ANK1: variants seen among roughly 807,000 people sequenced by gnomAD.
ANK1 encodes the protein ankyrin 1.
In ANK1, 51 loss-of-function variants were observed where a neutral mutation model predicts 210.4. The observed-to-expected ratio is 0.24, with a 90% CI of 0.19 to 0.31. ANK1 has a LOEUF of 0.31. Among genes scored for constraint, ANK1 ranks in the 10% least tolerant of loss-of-function variants. ANK1 has a pLI of 1.00. For missense variants in ANK1, 2,051 were observed against 2,504.4 expected, an observed-to-expected ratio of 0.82 and a Z score of 3.86; for synonymous variants, 967 against 1,025.9, an observed-to-expected ratio of 0.94 and a Z score of 1.10.
At chr8:41,697,987 G>T in intron 24 of ANK1, 56 bp downstream of exon 24, 1 of 1,556,786 alleles carries the variant, frequency 6.4e-7, no homozygotes, top group East Asian at 2.2e-5. Context: ...AACAATCACT[G>T]TCCCAGGGTT....
chr8:41,788,298 A>G (rs1846852266), intron 1 of ANK1, among the ~76,000 whole-genome samples: 3 of 152,218 alleles, frequency 2.0e-5, no homozygotes, highest in Admixed American at 2.0e-4. Context: ...ACCGGAGAAC[A>G]CAAGTGAACA....
chr8:41,847,081 C>T (rs994075895), intron 1 of ANK1, among the ~76,000 whole-genome samples: 2 of 152,146 alleles, frequency 1.3e-5, no homozygotes, highest in African/African-American at 2.4e-5. Flanking sequence ...AGATTTAGGC[C>T]GCAGAACAGA....
intron 29 of ANK1, 77 bp from the exon 30 acceptor site, chr8:41,693,278 T>C: frequency 7.5e-7 from 1 of 1,335,454 alleles, no homozygotes; most frequent in Non-Finnish European, 1.1e-6. Flanking sequence ...GCTAAGGCCG[T>C]GGTGTGCAAG....
In ANK1 at chr8:41,698,036, T is replaced by C. The variant is rs1028920052; in HGVS notation, c.2637+7A>G. 7.4e-6 allele frequency: 12 copies of C among 1,613,432 alleles called. No homozygotes were observed. Among genetic ancestry groups the C allele is most frequent in the Middle Eastern group, 3.3e-4 (2 of 6,082 alleles). ...TGTGGGGAAACCACAGAGAAGGAGC[T>C]TCTCACCTGCTCCTGCTCTTCTGAC... On this transcript the variant is annotated splice_region_variant and intron_variant, in intron 24 of 42. Transcript: ENST00000289734.
intron 42 of ANK1, among the ~76,000 whole-genome samples, chr8:41,659,666 C>T (rs982125247): frequency 3.3e-5 from 5 of 152,028 alleles, no homozygotes; most frequent in African/African-American, 7.2e-5. Flanking sequence ...AGCTTTTCTC[C>T]GCCTCTCCCT....
chr8:41,750,222 A>T (rs547220624), intron 2 of ANK1, among the ~76,000 whole-genome samples: 3 of 152,348 alleles, frequency 2.0e-5, no homozygotes, highest in Admixed American at 6.5e-5. Context: ...CAAGATAAAC[A>T]TTAGGGCTTC....
chr8:41,882,977 C>T (rs933292549), intron 1 of ANK1, among the ~76,000 whole-genome samples: 2 of 152,226 alleles, frequency 1.3e-5, no homozygotes, highest in African/African-American at 4.8e-5. Flanking sequence ...CCGCCCTCCC[C>T]AAAGTCACTC....
At chr8:41,713,803 G>A (rs758967194) in intron 16 of ANK1, among the ~76,000 whole-genome samples, 2 of 152,114 alleles carry the variant, frequency 1.3e-5, no homozygotes. Flanking sequence ...TGCTAGAAAC[G>A]GGCTCACCAC....
At chr8:41,810,990 T>C (rs1005083034) in intron 1 of ANK1, among the ~76,000 whole-genome samples, 2 of 152,234 alleles carry the variant, frequency 1.3e-5, no homozygotes, top group Non-Finnish European at 2.9e-5. Context: ...GCAGAAATGC[T>C]AAATCTGAAA....
At chr8:41,829,494 C>T (rs1806171102) in intron 1 of ANK1, 1 of 152,262 alleles carries the variant, frequency 6.6e-6, no homozygotes, top group Non-Finnish European at 1.5e-5. Context: ...TCCCAGGCAA[C>T]TGACCCCAGC....
intron 1 of ANK1, among the ~76,000 whole-genome samples, chr8:41,804,421 A>G (rs1276598747): frequency 6.6e-6 from 1 of 152,196 alleles, no homozygotes; most frequent in Non-Finnish European, 1.5e-5. Context: ...CAGCAGGGAA[A>G]TTGTCAAAGG....
chr8:41,850,847 C>T (rs1035564769), intron 1 of ANK1, among the ~76,000 whole-genome samples: 11 of 152,210 alleles, frequency 7.2e-5, no homozygotes, highest in Middle Eastern at 3.4e-3. Flanking sequence ...CCTGAAGCCT[C>T]GGCTAGTAAG....
intron 23 of ANK1, among the ~76,000 whole-genome samples, chr8:41,698,669 G>A (rs988933763): frequency 9.9e-5 from 15 of 152,214 alleles, no homozygotes; most frequent in African/African-American, 3.6e-4. Flanking sequence ...AGGGGGAAAT[G>A]AGAAATGTGG....
chr8:41,693,866 G>C, intron 29 of ANK1, 32 bp downstream of exon 29: 1 of 1,578,956 alleles, frequency 6.3e-7, no homozygotes, highest in Non-Finnish European at 8.6e-7. Flanking sequence ...TGCAGCAGCC[G>C]AGAACAGAAG....
chr8:41,805,091 G>T (rs1850730917), intron 1 of ANK1, among the ~76,000 whole-genome samples: 1 of 151,826 alleles, frequency 6.6e-6, no homozygotes. Flanking sequence ...TGTCGTGTGT[G>T]TGTGTGTGTT....
chr8:41,809,611 T>G (rs147546098), intron 1 of ANK1, among the ~76,000 whole-genome samples: 1 of 152,006 alleles, frequency 6.6e-6, no homozygotes, highest in East Asian at 1.9e-4. Flanking sequence ...TACAAAAAAT[T>G]TTTTAAATTA....
intron 1 of ANK1, among the ~76,000 whole-genome samples, chr8:41,866,177 C>T (rs1172518278): frequency 1.3e-5 from 2 of 151,824 alleles, no homozygotes; most frequent in Non-Finnish European, 2.9e-5. Context: ...AGGTAATTTT[C>T]TTTCTTTTTT....
chr8:41,860,866 C>T (rs2150818065), intron 1 of ANK1, among the ~76,000 whole-genome samples: 2 of 152,346 alleles, frequency 1.3e-5, no homozygotes, highest in Middle Eastern at 3.4e-3. Flanking sequence ...GGAGCACCAT[C>T]CAGGCTGCAC....
intron 2 of ANK1, among the ~76,000 whole-genome samples, chr8:41,746,336 C>T (rs1381648394): frequency 6.6e-6 from 1 of 152,158 alleles, no homozygotes; most frequent in Non-Finnish European, 1.5e-5. Flanking sequence ...CACACCTGAT[C>T]TCCTTTGCAA....
Sources: allele counts gnomAD v4.1 joint callset (sites outside exome capture counted in the v4.1 genomes callset), GRCh38; gene constraint gnomAD v4.1.1; transcripts MANE v1.5; gene names NCBI Gene and HGNC (gene_info 2026-07-23, HGNC 2026-07-21).